Variants in ITGA5 observed in about 807,000 individuals in gnomAD.
ITGA5 encodes the protein integrin subunit alpha 5.
In ITGA5, 55 loss-of-function variants were observed where a neutral mutation model predicts 146.3. The observed-to-expected ratio is 0.38, with a 90% CI of 0.30 to 0.47. ITGA5 has a LOEUF of 0.47. ITGA5 is among the 20% of genes least tolerant of loss of function. The pLI is 0.99. For missense variants in ITGA5, 1,131 were observed against 1,329.0 expected (o/e 0.85, Z 2.32); for synonymous variants, 500 against 531.8 (o/e 0.94, Z 0.82).
chr12:54,409,225 C>G lies in ITGA5; in HGVS notation c.583+7G>C. ...GACATGGGGCACAGGCCCCCTCTTGCCCCTACCTGAGCGGCAGGGTGCATA... is the reference window on the plus strand; with the variant it reads ...GACATGGGGCACAGGCCCCCTCTTGGCCCTACCTGAGCGGCAGGGTGCATA... On this transcript the variant is annotated splice_region_variant and intron_variant, in intron 4 of 29. Coordinates refer to ENST00000293379, the MANE Select transcript of ITGA5 (RefSeq NM_002205.5). This position sits in a 1 kb window ranked among gnomAD's most constrained non-coding sequence, Gnocchi z 4.7. The G allele has an allele frequency of 6.2e-7, 1 of 1,607,640 alleles. No individual in the cohort carries two copies. Among genetic ancestry groups the G allele is most frequent in the Non-Finnish European group, 8.5e-7 (1 of 1,177,058 alleles).
At position 54,409,534 on chromosome 12, in the gene ITGA5, G is replaced by T; in HGVS notation, c.413C>A (p.Ser138Tyr). 1 of 1,614,052 alleles carries T rather than the reference G, an allele frequency of 6.2e-7. No individual in the cohort carries two copies. Among genetic ancestry groups the T allele is most frequent in the Non-Finnish European group, 8.5e-7 (1 of 1,179,990 alleles). The change falls in exon 3 of 30, where the codon TCC becomes TAC. Residue 138 changes from serine (S) to tyrosine (Y), a missense_variant. Physicochemically the swap from Ser to Tyr is moderately radical, Grantham distance 144. This residue lies in a region of ITGA5 where 175 missense variants were observed against 179.3 expected (regional missense o/e 0.98). Coordinates refer to ENST00000293379, the MANE Select transcript of ITGA5 (RefSeq NM_002205.5). The surrounding 1 kb of genome is among the most constrained non-coding windows in gnomAD (Gnocchi z 4.7). Reference protein sequence around the residue: ...SEGEEPVEYKSLQWFGATVRA... With the variant: ...SEGEEPVEYKYLQWFGATVRA... ...AACTGTTGCCCCGAACCACTGCAAG[G>T]ACTTGTACTCCACAGGCTCCTCTCC...
intron 1 of ITGA5, 48 bp downstream of exon 1, chr12:54,418,933 C>A: frequency 6.3e-7 from 1 of 1,597,096 alleles, no homozygotes; most frequent in South Asian, 1.1e-5. Flanking sequence ...CCCCCAGTCT[C>A]CAGGCGGCTC....
rs942043949 is a variant in ITGA5 at position 54,419,036 on chromosome 12, G to T, written c.163C>A (p.Pro55Thr). 6.3e-7 allele frequency: 1 copy of T among 1,598,772 alleles called. No individual in the cohort carries two copies. Among genetic ancestry groups the T allele is most frequent in the Non-Finnish European group, 8.5e-7 (1 of 1,174,182 alleles). Residue 55 changes from proline (P) to threonine (T), a missense_variant, in exon 1 of 30, where the codon CCC (proline) becomes ACC (threonine). Pro to Thr is a conservative substitution (Grantham distance 38). Coordinates refer to ENST00000293379, the MANE Select transcript of ITGA5 (RefSeq NM_002205.5). ...GAGAATCCGAAGAAGGAGCCCGGGG[G>T]CCCCGAGAGTACTGCTGGGGCCTCC... ...DAEAPAVLSG[P>T]PGSFFGFSVE...
intron 2 of ITGA5, 34 bp downstream of exon 2, chr12:54,411,799 AC>A (rs542162169): frequency 8.3e-6 from 10 of 1,204,162 alleles, no homozygotes; most frequent in South Asian, 6.0e-5. Context: ...CTGCAGTCCC[AC>A]CCCCCAGTCC....
chr12:54,402,930 T>C, intron 19 of ITGA5, 53 bp downstream of exon 19: 1 of 1,501,874 alleles, frequency 6.7e-7, no homozygotes, highest in Non-Finnish European at 9.3e-7. Flanking sequence ...AGCTGATTTT[T>C]TCAGGTGCCA....
Position 54,401,626 on chromosome 12 carries a change from A to G in ITGA5, c.2346T>C (p.Phe782=), listed in dbSNP as rs73322228. 31,042 of 1,614,046 alleles carry G rather than the reference A, an allele frequency of 0.019. 1,018 individuals are homozygous for G. Among genetic ancestry groups the G allele is most frequent in the African/African-American group, 0.12 (9,054 of 74,958 alleles). ...LNNSQSDVVS[F]RLSVEAQAQV... ...GGGCCTGAGCCTCCACGGAGAGCCG[A>G]AAGGAAACCACGTCGCTTTGCGAGT... Residue 782 remains phenylalanine, a synonymous_variant, in exon 23 of 30, where the codon TTT becomes TTC. Coordinates refer to ENST00000293379, the MANE Select transcript of ITGA5 (RefSeq NM_002205.5). This position sits in a 1 kb window ranked among gnomAD's most constrained non-coding sequence, Gnocchi z 5.0.
At position 54,411,963 on chromosome 12, in the gene ITGA5, C is replaced by T. The variant is rs760018225; in HGVS notation, c.220G>A (p.Val74Ile). The T allele has an allele frequency of 2.5e-5, 40 of 1,582,408 alleles. No homozygotes were observed. The Admixed American group carries it at 7.3e-4, about 29-fold the overall frequency. ...TTGGGTGCTCCCACCAGCACACTGA[C>T]CCTGTGGGGGGGAAAAGCGAGGCAG... ...VEFYRPGTDG[V>I]SVLVGAPKAN... The change falls in exon 2 of 30, where the codon GTC becomes ATC. Residue 74 changes from valine to isoleucine, a missense_variant and splice_region_variant. By Grantham distance (29) the Val-to-Ile change is conservative. Transcript: ENST00000293379.
At position 54,405,649 on chromosome 12, in the gene ITGA5, T is replaced by C; in HGVS notation, c.1016+15A>G. On this transcript the variant is annotated intron_variant, in intron 11 of 29. Transcript: ENST00000293379. ...CTGGGAGGGTATCACAGTGCGCTCA[T>C]TTCCCACCACTCACCCGTCCCCATT... The C allele has an allele frequency of 6.2e-7, 1 of 1,609,520 alleles. No individual in the cohort carries two copies. The highest frequency in any genetic ancestry group is 1.1e-5 in the South Asian group (1 of 90,888).
chr12:54,405,149 G>A lies in ITGA5; in HGVS notation c.1225+17C>T. On this transcript the variant is annotated intron_variant, in intron 12 of 29. Coordinates refer to ENST00000293379, the MANE Select transcript of ITGA5 (RefSeq NM_002205.5). ...GCCCCTGCCTCCTCTTTCACTCTCT[G>A]AGCCCATGGTACTCACCATTGTAGC... 2.6e-6 allele frequency: 4 copies of A among 1,556,702 alleles called. No individual in the cohort carries two copies. The highest frequency in any genetic ancestry group is 3.5e-6 in the Non-Finnish European group (4 of 1,146,676).
Position 54,401,538 on chromosome 12 carries a change from A to G in ITGA5, c.2387+47T>C. 6.2e-7 allele frequency: 1 copy of G among 1,607,654 alleles called. No individual in the cohort carries two copies. Among genetic ancestry groups the G allele is most frequent in the East Asian group, 2.2e-5 (1 of 44,802 alleles). On this transcript the variant is annotated intron_variant, in intron 23 of 29. Coordinates refer to ENST00000293379, the MANE Select transcript of ITGA5 (RefSeq NM_002205.5). The surrounding 1 kb of genome is among the most constrained non-coding windows in gnomAD (Gnocchi z 5.0). The stretch of plus-strand genomic sequence containing the variant: ...GAACCCCATATGCATCCTTCCCTAG[A>G]AGTCTGTGTCCCCTCTCAGAAAGAC...
chr12:54,401,939 G>T lies in ITGA5; in HGVS notation c.2226+62C>A. 6.3e-6 allele frequency: 10 copies of T among 1,597,850 alleles called. No individual in the cohort carries two copies. Among genetic ancestry groups the T allele is most frequent in the Non-Finnish European group, 8.6e-6 (10 of 1,165,360 alleles). ...GCACCTCACAGCTGTGCTCTCGGCT[G>T]GCTGGTTACCGCCCTCAGGTCTGCT... On this transcript the variant is annotated intron_variant, in intron 21 of 29. Transcript: ENST00000293379. The surrounding 1 kb of genome is among the most constrained non-coding windows in gnomAD (Gnocchi z 5.0).
intron 6 of ITGA5, 114 bp downstream of exon 6, chr12:54,408,642 C>T (rs1230346550): frequency 1.0e-6 from 1 of 963,998 alleles, no homozygotes; most frequent in African/African-American, 1.7e-5. Flanking sequence ...AGGAGAATCG[C>T]TTGAACCTGG....
Position 54,401,888 on chromosome 12 carries a change from T to TA in ITGA5, c.2227-34dup. 1 of 1,608,754 alleles carries TA rather than the reference T, an allele frequency of 6.2e-7. No homozygotes were observed. The highest frequency in any genetic ancestry group is 8.5e-7 in the Non-Finnish European group (1 of 1,175,202). On this transcript the variant is annotated intron_variant, in intron 21 of 29. Coordinates refer to ENST00000293379, the MANE Select transcript of ITGA5 (RefSeq NM_002205.5). The surrounding 1 kb of genome is among the most constrained non-coding windows in gnomAD (Gnocchi z 5.0). Reference sequence around the variant, plus strand: ...CAGAAAAAGAGGAAAAGAGGGCAGTTAGACTGTGTATTTCACCCTCCCTCC... The same window carrying TA: ...CAGAAAAAGAGGAAAAGAGGGCAGTTAAGACTGTGTATTTCACCCTCCCTCC...
chr12:54,396,885 T>C lies in ITGA5; in HGVS notation c.3066+480A>G, dbSNP rs138894703. 3.2e-3 allele frequency among the ~76,000 whole-genome samples: 490 copies of C among 152,134 alleles called. 5 individuals are homozygous for C. Among genetic ancestry groups the C allele is most frequent in the African/African-American group, 0.01 (430 of 41,506 alleles). ...TTTTTTTGTAGAGACAAGGTCCTAG[T>C]GTGTTACCCAGGCTGGTCTTGAATT... On this transcript the variant is annotated intron_variant, in intron 29 of 29. Coordinates refer to ENST00000293379, the MANE Select transcript of ITGA5 (RefSeq NM_002205.5).
At chr12:54,404,503 A>G (rs778956927) in intron 13 of ITGA5, 28 bp from the exon 14 acceptor site, 1 of 1,613,512 alleles carries the variant, frequency 6.2e-7, no homozygotes, top group South Asian at 1.1e-5. Context: ...ATCACCTCTT[A>G]CAGCAAGCCC....
At chr12:54,415,602 A>G (rs1955997123) in intron 1 of ITGA5, among the ~76,000 whole-genome samples, 1 of 152,156 alleles carries the variant, frequency 6.6e-6, no homozygotes, top group South Asian at 2.1e-4. Flanking sequence ...CCCATTGCCA[A>G]CTTATTCCCT....
intron 6 of ITGA5, 120 bp downstream of exon 6, chr12:54,408,636 G>A: frequency 2.3e-6 from 2 of 883,070 alleles, no homozygotes; most frequent in Admixed American, 5.4e-5. Context: ...TGAGGCAGGA[G>A]AATCGCTTGA....
intron 1 of ITGA5, among the ~76,000 whole-genome samples, chr12:54,418,335 G>A (rs1565646348): frequency 6.6e-6 from 1 of 151,556 alleles, no homozygotes; most frequent in Non-Finnish European, 1.5e-5. Context: ...CCCCTCGCCT[G>A]AACAGAGATT....
intron 27 of ITGA5, 95 bp from the exon 28 acceptor site, chr12:54,398,793 A>G: frequency 2.1e-6 from 1 of 471,448 alleles, no homozygotes; most frequent in Non-Finnish European, 3.5e-6. Context: ...ATCTTTCCCT[A>G]TTTTGGGCTC....
Sources: allele counts gnomAD v4.1 joint callset (sites outside exome capture counted in the v4.1 genomes callset), GRCh38; gene constraint gnomAD v4.1.1; regional missense constraint gnomAD v4.1.1; non-coding constraint Gnocchi (gnomAD v3.1); transcripts MANE v1.5; gene names NCBI Gene and HGNC (gene_info 2026-07-23, HGNC 2026-07-21).